ASNS: variants seen among roughly 807,000 people sequenced by gnomAD.
The protein encoded by ASNS is asparagine synthetase (glutamine-hydrolyzing).
ASNS carries 37 observed loss-of-function variants against 62.6 expected under a neutral mutation model. The ratio of observed to expected loss-of-function variants is 0.59; its 90% confidence interval spans 0.45 to 0.78. The LOEUF (loss-of-function observed/expected upper bound fraction) is 0.78, where lower values mean the gene tolerates loss of function less well. Ranked by LOEUF, ASNS falls within the 30% of genes least tolerant of loss-of-function variation. The pLI is 0.00. For synonymous variants in ASNS, 207 were observed against 237.9 expected (o/e 0.87, Z 1.19); for missense variants, 520 against 682.4 (o/e 0.76, Z 2.65).
At chr7:97,920,910 C>A in the ASNS span, among the ~76,000 whole-genome samples, 2 of 152,180 alleles carry the variant, frequency 1.3e-5, no homozygotes, top group African/African-American at 2.4e-5. Flanking sequence ...GGGCTCCATC[C>A]CTCAGAGTGG....
the ASNS span, among the ~76,000 whole-genome samples, chr7:97,923,107 T>G: frequency 2.0e-5 from 3 of 152,086 alleles, no homozygotes; most frequent in African/African-American, 7.3e-5. Flanking sequence ...AAAAGATTGT[T>G]TAATTCAACT....
rs1791575775 is a variant in ASNS at position 97,858,739 on chromosome 7, A to G, written c.775+115T>C. 3 of 1,010,206 alleles carry G rather than the reference A, an allele frequency of 3.0e-6. No homozygotes were observed. The East Asian group carries it at 7.4e-5, about 25-fold the overall frequency. The allele number at this position is 1,010,206 out of a possible 1,614,324, so 62.6% of individuals were successfully genotyped here. A position where few individuals can be genotyped will look rare whatever the true frequency, so the allele number is the denominator to read the frequency against. Reference sequence around the variant, plus strand: ...AAAAAATCATTTCCATCCTATAATGAAGGAAAGAGTAAATCATACAGTAAA... The same window carrying G: ...AAAAAATCATTTCCATCCTATAATGGAGGAAAGAGTAAATCATACAGTAAA... On this transcript the variant is annotated intron_variant, in intron 6 of 12. Coordinates refer to ENST00000394308, the MANE Select transcript of ASNS (RefSeq NM_001673.5).
chr7:97,901,710 G>A, the ASNS span, among the ~76,000 whole-genome samples: 1 of 152,056 alleles, frequency 6.6e-6, no homozygotes, highest in African/African-American at 2.4e-5. Context: ...AGGCGCAGTG[G>A]CTCACACCTG....
chr7:97,880,934 T>TTTTTG, the ASNS span, among the ~76,000 whole-genome samples: 106,732 of 150,178 alleles, frequency 0.71, 38,958 homozygotes, highest in African/African-American at 0.88. Flanking sequence ...TGTGTGTGTG[T>TTTTTG]TTTTGTTTTG....
upstream of ASNS, among the ~76,000 whole-genome samples, chr7:97,877,163 C>T (rs1424359710): frequency 1.7e-4 from 25 of 151,316 alleles, no homozygotes; most frequent in East Asian, 2.5e-3. Context: ...GGCATGGTCC[C>T]GGGTCACTGC....
At chr7:97,888,480 A>T in the ASNS span, among the ~76,000 whole-genome samples, 1 of 152,260 alleles carries the variant, frequency 6.6e-6, no homozygotes, top group African/African-American at 2.4e-5. Context: ...AGGTCCATTG[A>T]TTTATCCATT....
chr7:97,854,440 T>TTGTAACATATAGCCAACTATA (rs765969340), intron 10 of ASNS, 140 bp downstream of exon 10: 5 of 1,023,486 alleles, frequency 4.9e-6, no homozygotes, highest in African/African-American at 1.6e-5. Flanking sequence ...AAGTCACACT[T>TTGTAACATATAGCCAACTATA]TGTAACATAT....
At chr7:97,886,001 G>C in the ASNS span, 115,670 of 599,846 alleles carry the variant, frequency 0.19, 11,518 homozygotes, top group South Asian at 0.24. Flanking sequence ...ATGATGCCTG[G>C]GTGCCCAATG....
the ASNS span, among the ~76,000 whole-genome samples, chr7:97,921,721 G>A: frequency 6.6e-6 from 1 of 152,218 alleles, no homozygotes; most frequent in Admixed American, 6.5e-5. Context: ...CCAAGGAAAT[G>A]TGATAACAAG....
At chr7:97,858,765 T>C (rs1791576464) in intron 6 of ASNS, 89 bp downstream of exon 6, 2 of 1,190,220 alleles carry the variant, frequency 1.7e-6, no homozygotes, top group Non-Finnish European at 2.4e-6. Context: ...ATACAGTAAA[T>C]ATTTTATAGT....
At chr7:97,917,949 C>T in the ASNS span, among the ~76,000 whole-genome samples, 1 of 152,232 alleles carries the variant, frequency 6.6e-6, no homozygotes, top group Non-Finnish European at 1.5e-5. Context: ...CCCCATTTTA[C>T]TTTTGAGGAA....
intron 1 of ASNS, chr7:97,870,282 G>A (rs968412731): frequency 2.5e-5 from 15 of 593,880 alleles, no homozygotes; most frequent in Non-Finnish European, 3.8e-5. Context: ...AATGTCAATG[G>A]ATACACCAAA....
At chr7:97,910,396 C>T in the ASNS span, among the ~76,000 whole-genome samples, 1 of 152,194 alleles carries the variant, frequency 6.6e-6, no homozygotes, top group African/African-American at 2.4e-5. Context: ...CATGAGGACA[C>T]TCCACGTGCA....
At chr7:97,903,760 G>A in the ASNS span, among the ~76,000 whole-genome samples, 1,394 of 152,302 alleles carry the variant, frequency 9.2e-3, 10 homozygotes, top group Non-Finnish European at 0.014. Flanking sequence ...ACTTGAATTG[G>A]AGAAAAATAT....
the ASNS span, among the ~76,000 whole-genome samples, chr7:97,925,344 T>G: frequency 6.6e-6 from 1 of 152,074 alleles, no homozygotes; most frequent in Non-Finnish European, 1.5e-5. Flanking sequence ...AGCTCGACAC[T>G]CTCACCCTCA....
upstream of ASNS, among the ~76,000 whole-genome samples, chr7:97,877,375 G>A (rs552180722): frequency 6.6e-6 from 1 of 152,274 alleles, no homozygotes; most frequent in Admixed American, 6.5e-5. Flanking sequence ...TTACAGGCAT[G>A]AGCCACCATG....
the ASNS span, among the ~76,000 whole-genome samples, chr7:97,903,558 T>C: frequency 1.3e-5 from 2 of 152,142 alleles, no homozygotes; most frequent in East Asian, 3.9e-4. Flanking sequence ...ACCTATTTGT[T>C]TAATTCAGCC....
chr7:97,858,487 A>G (rs1791564811), intron 6 of ASNS, 82 bp from the exon 7 acceptor site: 1 of 1,516,224 alleles, frequency 6.6e-7, no homozygotes, highest in Admixed American at 2.0e-5. Context: ...TTCCTGATAA[A>G]CACCAAGATC....
At chr7:97,856,206 T>G (rs1229023800) in intron 8 of ASNS, among the ~76,000 whole-genome samples, 2 of 152,246 alleles carry the variant, frequency 1.3e-5, no homozygotes, top group Admixed American at 6.5e-5. Flanking sequence ...TGGATCAGTC[T>G]GATTTGGGGT....
Sources: gnomAD v4.1 joint callset for allele counts (sites outside exome capture counted in the v4.1 genomes callset) on GRCh38, gnomAD v4.1.1 for gene constraint, MANE v1.5 for transcripts, NCBI Gene and HGNC (gene_info 2026-07-23, HGNC 2026-07-21) for gene names.